Variants in TMEM232 observed in about 807,000 individuals in gnomAD.
TMEM232 encodes the protein transmembrane protein 232.
TMEM232 carries 80 observed loss-of-function variants against 78.8 expected under a neutral mutation model. The ratio of observed to expected loss-of-function variants is 1.01; its 90% CI spans 0.85 to 1.22. The LOEUF (loss-of-function observed/expected upper bound fraction) is 1.22. Ranked by LOEUF, TMEM232 falls within the 50% of genes most tolerant of loss-of-function variation. The pLI is 0.00. For synonymous variants in TMEM232, 297 were observed against 254.3 expected, an observed-to-expected ratio of 1.17 and a Z score of -1.60; for missense variants, 881 against 742.2, an observed-to-expected ratio of 1.19 and a Z score of -2.17.
chr5:110,416,721 CTTAAA>C (rs1756229495), downstream of TMEM232, among the ~76,000 whole-genome samples: 1 of 152,144 alleles, frequency 6.6e-6, no homozygotes, highest in African/African-American at 2.4e-5. Context: ...GAATCAATTA[CTTAAA>C]TTATAATTGG....
At chr5:110,524,435 GA>G (rs1406436008) in intron 12 of TMEM232, among the ~76,000 whole-genome samples, 7 of 147,332 alleles carry the variant, frequency 4.8e-5, no homozygotes, top group Non-Finnish European at 7.5e-5. Flanking sequence ...GAAAAGAAAA[GA>G]AAAGAAAGGA....
intron 11 of TMEM232, among the ~76,000 whole-genome samples, chr5:110,565,927 T>G (rs1360201084): frequency 6.6e-6 from 1 of 151,956 alleles, no homozygotes; most frequent in Non-Finnish European, 1.5e-5. Flanking sequence ...TTATATTTTC[T>G]TAGAAAATCA....
intron 2 of TMEM232, among the ~76,000 whole-genome samples, chr5:110,658,747 T>C (rs541383631): frequency 1.9e-4 from 29 of 152,298 alleles, no homozygotes; most frequent in African/African-American, 6.0e-4. Context: ...TTGGTAGGCA[T>C]AGGCAACAAT....
chr5:110,523,676 G>C (rs1769899760), intron 12 of TMEM232, among the ~76,000 whole-genome samples: 1 of 152,000 alleles, frequency 6.6e-6, no homozygotes, highest in African/African-American at 2.4e-5. Flanking sequence ...ATAAAGACCT[G>C]GAATGGCGAA....
intron 12 of TMEM232, among the ~76,000 whole-genome samples, chr5:110,518,928 C>G (rs1221381569): frequency 1.3e-5 from 2 of 150,664 alleles, no homozygotes; most frequent in Non-Finnish European, 3.0e-5. Flanking sequence ...AATCTAGAAG[C>G]TGGTGCATTG....
intron 12 of TMEM232, among the ~76,000 whole-genome samples, chr5:110,517,460 A>G (rs1227907005): frequency 6.6e-6 from 1 of 152,222 alleles, no homozygotes; most frequent in Non-Finnish European, 1.5e-5. Flanking sequence ...CCATACTCCT[A>G]ATAAGACAGA....
chr5:110,647,530 G>C (rs73226255), intron 2 of TMEM232, among the ~76,000 whole-genome samples: 2,843 of 151,650 alleles, frequency 0.019, 107 homozygotes, highest in African/African-American at 0.066. Flanking sequence ...GTTTTTTGTC[G>C]TGTTTTTATG....
upstream of TMEM232, chr5:110,738,867 A>G (rs1799498204): frequency 2.0e-5 from 16 of 813,136 alleles, no homozygotes; most frequent in Non-Finnish European, 2.8e-5. Context: ...ATTCCCACCT[A>G]TTCCCTAACG....
At chr5:110,475,232 T>A (rs192720416) in intron 12 of TMEM232, among the ~76,000 whole-genome samples, 1 of 152,000 alleles carries the variant, frequency 6.6e-6, no homozygotes, top group Admixed American at 6.6e-5. Flanking sequence ...CCTGCAGTGC[T>A]ATGAGGAAAG....
At chr5:110,416,953 G>A (rs979814122), downstream of TMEM232, among the ~76,000 whole-genome samples, 4 of 152,056 alleles carry the variant, frequency 2.6e-5, no homozygotes, top group African/African-American at 7.2e-5. Flanking sequence ...AAAAGCTTAT[G>A]TTCATGCTTC....
chr5:110,408,645 G>A (rs1474650022), intron 2 of TMEM232, among the ~76,000 whole-genome samples: 2 of 151,492 alleles, frequency 1.3e-5, no homozygotes, highest in Non-Finnish European at 3.0e-5. Context: ...CAAAAAGTTT[G>A]TTTATTAAAA....
intron 1 of TMEM232, among the ~76,000 whole-genome samples, chr5:110,687,047 G>C (rs1424486752): frequency 1.3e-5 from 2 of 152,000 alleles, no homozygotes; most frequent in Non-Finnish European, 2.9e-5. Context: ...TCCCAGATCA[G>C]GATGCCATTA....
upstream of TMEM232, among the ~76,000 whole-genome samples, chr5:110,727,785 A>G (rs559619281): frequency 3.2e-4 from 49 of 152,338 alleles, no homozygotes; most frequent in African/African-American, 1.1e-3. Context: ...ATGTGATCTC[A>G]GGCTTCTCTG....
intron 5 of TMEM232, among the ~76,000 whole-genome samples, chr5:110,631,770 C>T (rs1217595811): frequency 2.6e-5 from 4 of 152,100 alleles, no homozygotes; most frequent in Non-Finnish European, 4.4e-5. Flanking sequence ...TGCATTGTAG[C>T]CATCTCCAAC....
chr5:110,705,211 T>A (rs1795806253), intron 1 of TMEM232, among the ~76,000 whole-genome samples: 1 of 152,180 alleles, frequency 6.6e-6, no homozygotes, highest in Admixed American at 6.6e-5. Flanking sequence ...TTTGCTGTCT[T>A]ATCAAACATG....
At chr5:110,448,734 A>G (rs1759945194) in intron 12 of TMEM232, among the ~76,000 whole-genome samples, 1 of 151,998 alleles carries the variant, frequency 6.6e-6, no homozygotes, top group African/African-American at 2.4e-5. Flanking sequence ...AGGGATGCAA[A>G]ATACATATTT....
intron 10 of TMEM232, among the ~76,000 whole-genome samples, chr5:110,599,046 A>C (rs1780550356): frequency 6.6e-6 from 1 of 152,064 alleles, no homozygotes; most frequent in Admixed American, 6.6e-5. Flanking sequence ...TTCAACCCAG[A>C]ATTTCATATC....
chr5:110,502,984 GATTT>G (rs1396494518), intron 12 of TMEM232, among the ~76,000 whole-genome samples: 2 of 152,116 alleles, frequency 1.3e-5, no homozygotes, highest in African/African-American at 4.8e-5. Flanking sequence ...GTTGCTTATT[GATTT>G]ATCTGTTACC....
chr5:110,633,256 G>A (rs993222070), intron 5 of TMEM232, among the ~76,000 whole-genome samples: 8 of 152,058 alleles, frequency 5.3e-5, no homozygotes, highest in African/African-American at 1.9e-4. Context: ...ACCTGGAAGA[G>A]GAAAGATGAT....
Sources: gnomAD v4.1 joint callset for allele counts (sites outside exome capture counted in the v4.1 genomes callset) on GRCh38, gnomAD v4.1.1 for gene constraint, MANE v1.5 for transcripts, NCBI Gene and HGNC (gene_info 2026-07-23, HGNC 2026-07-21) for gene names.